Variants in ZNF541 observed in about 807,000 individuals in gnomAD.
The protein encoded by ZNF541 is zinc finger protein 541.
A neutral mutation model predicts 123.5 loss-of-function variants in ZNF541; 23 were observed. That is an observed-to-expected ratio of 0.19 (90% CI 0.13 to 0.26). The LOEUF (loss-of-function observed/expected upper bound fraction) is 0.26, where lower values mean the gene tolerates loss of function less well. Ranked by LOEUF, ZNF541 falls within the 10% of genes least tolerant of loss-of-function variation. The probability of loss-of-function intolerance (pLI) is 1.00; values close to 1 mark genes in which losing one functional copy is unlikely to be tolerated. For synonymous variants in ZNF541, 751 were observed against 754.5 expected, an observed-to-expected ratio of 1.00 and a Z score of 0.08; for missense variants, 1,612 against 1,789.9, an observed-to-expected ratio of 0.90 and a Z score of 1.79.
chr19:47,562,319 G>A (rs147332689), intron 2 of ZNF541, among the ~76,000 whole-genome samples: 63 of 152,040 alleles, frequency 4.1e-4, no homozygotes, highest in African/African-American at 1.4e-3. Flanking sequence ...CCGGGAGGGC[G>A]GATCACTTGA....
Position 47,544,357 on chromosome 19 carries a change from C to T in ZNF541, c.2172G>A (p.Ala724=), listed in dbSNP as rs372271348. The change falls in exon 5 of 17, where the codon GCG becomes GCA. Residue 724 remains alanine (A), a synonymous_variant. Coordinates refer to ENST00000391901, the MANE Select transcript of ZNF541 (RefSeq NM_001277075.3). The stretch of plus-strand genomic sequence containing the variant: ...TTTCACCTTTTGTGATCCTTGAAGC[C>T]GCGCCATTCTCGGCTGGGGCCTGCT... ...PGKQAPAENG[A]ASRITKGEKG... The T allele has an allele frequency of 5.2e-5, 80 of 1,551,526 alleles. No individual in the cohort carries two copies. Among genetic ancestry groups the T allele is most frequent in the African/African-American group, 6.8e-5 (5 of 73,060 alleles).
chr19:47,528,966 T>G lies in ZNF541; in HGVS notation c.3554A>C (p.Tyr1185Ser), dbSNP rs1969436993. Residue 1185 changes from tyrosine to serine, a missense_variant, in exon 14 of 17, where the codon TAC (tyrosine) becomes TCC (serine). By Grantham distance (144) the Tyr-to-Ser change is moderately radical. Coordinates refer to ENST00000391901, the MANE Select transcript of ZNF541 (RefSeq NM_001277075.3). ...KAFYAHKKDFYLIHKMIQTKT... is the reference protein window; with the variant it reads ...KAFYAHKKDFSLIHKMIQTKT... Reference sequence around the variant, plus strand: ...TCACTTTACCATCTTGTGTATCAAGTAGAAGTCCTTCTTGTGGGCATAGAA... The same window carrying G: ...TCACTTTACCATCTTGTGTATCAAGGAGAAGTCCTTCTTGTGGGCATAGAA... 6.4e-7 allele frequency: 1 copy of G among 1,551,342 alleles called. No homozygotes were observed. The highest frequency in any genetic ancestry group is 1.2e-5 in the South Asian group (1 of 84,058).
chr19:47,520,816 C>A lies in ZNF541; in HGVS notation c.*408G>T, dbSNP rs539800944. On this transcript the variant is annotated 3_prime_UTR_variant, in exon 17 of 17. Coordinates refer to ENST00000391901, the MANE Select transcript of ZNF541 (RefSeq NM_001277075.3). ...GTCCCCGCCCCAGGGAGGGGCCCAG[C>A]GTGTTGGAGATCTCAAGGTTTTTTC... 2.1e-4 allele frequency: 36 copies of A among 171,504 alleles called. No homozygotes were observed. Among genetic ancestry groups the A allele is most frequent in the Non-Finnish European group, 3.7e-4 (30 of 80,162 alleles). The allele number at this position is 171,504 out of a possible 1,614,324, so 10.6% of individuals were successfully genotyped here.
At chr19:47,564,065 T>A (rs2123384744) in intron 2 of ZNF541, among the ~76,000 whole-genome samples, 1 of 152,232 alleles carries the variant, frequency 6.6e-6, no homozygotes, top group East Asian at 1.9e-4. Context: ...AACAGCCAGA[T>A]CTTAAACCCA....
intron 9 of ZNF541, among the ~76,000 whole-genome samples, chr19:47,537,599 T>C (rs998061244): frequency 5.9e-5 from 8 of 136,478 alleles, no homozygotes; most frequent in African/African-American, 2.2e-4. Context: ...TGACACAGAC[T>C]GGACAGGGTG....
chr19:47,540,441 A>AAT, intron 6 of ZNF541, 106 bp from the exon 7 acceptor site: 1 of 1,178,362 alleles, frequency 8.5e-7, no homozygotes, highest in Non-Finnish European at 1.1e-6. Flanking sequence ...CAATCCACTG[A>AAT]CTTTTTTTTT....
intron 2 of ZNF541, among the ~76,000 whole-genome samples, chr19:47,571,041 T>A (rs1278599664): frequency 1.3e-5 from 2 of 151,650 alleles, no homozygotes; most frequent in Admixed American, 1.3e-4. Context: ...CAGACACGCA[T>A]CTAAAAGAAA....
chr19:47,545,511 G>C lies in ZNF541; in HGVS notation c.1018C>G (p.Leu340Val). Residue 340 changes from leucine (L) to valine (V), a missense_variant, in exon 5 of 17, where the codon CTC becomes GTC. This residue lies in a region of ZNF541 where 1,080 missense variants were observed against 1,013.8 expected (regional missense o/e 1.07). Coordinates refer to ENST00000391901, the MANE Select transcript of ZNF541 (RefSeq NM_001277075.3). The surrounding 1 kb of genome is among the most constrained non-coding windows in gnomAD (Gnocchi z 7.5). The stretch of plus-strand genomic sequence containing the variant: ...TCAGTGGCCGGCTCTTTCTGTGGGA[G>C]GCAAGGCTCCTCGGGAAGCTCGGTG... ...LDTELPEEPC[L>V]PQKEPATDVF... 6.6e-7 allele frequency: 1 copy of C among 1,507,126 alleles called. No homozygotes were observed. Among genetic ancestry groups the C allele is most frequent in the Non-Finnish European group, 8.9e-7 (1 of 1,123,936 alleles). 93.4% of individuals were successfully genotyped at this position (1,507,126 alleles called of 1,614,324 possible).
At chr19:47,522,491 C>A (rs1033765088) in intron 14 of ZNF541, among the ~76,000 whole-genome samples, 2 of 152,156 alleles carry the variant, frequency 1.3e-5, no homozygotes, top group African/African-American at 4.8e-5. Flanking sequence ...CTAAAAATAA[C>A]TTCTGTTAAA....
At chr19:47,552,191 C>T (rs1238256997) in intron 3 of ZNF541, among the ~76,000 whole-genome samples, 1 of 152,110 alleles carries the variant, frequency 6.6e-6, no homozygotes, top group Non-Finnish European at 1.5e-5. Context: ...AATAATTTAT[C>T]AGGGATACTA....
intron 2 of ZNF541, among the ~76,000 whole-genome samples, chr19:47,564,528 G>T (rs1368558736): frequency 6.6e-6 from 1 of 152,168 alleles, no homozygotes; most frequent in Non-Finnish European, 1.5e-5. Context: ...CTCTTTCCAA[G>T]AATTTTATCA....
intron 14 of ZNF541, 74 bp downstream of exon 14, chr19:47,528,876 G>A (rs1683647931): frequency 2.6e-5 from 34 of 1,299,434 alleles, no homozygotes; most frequent in Admixed American, 6.2e-5. Context: ...TCCGACCCCC[G>A]ACCAGCCCTG....
Position 47,532,406 on chromosome 19 carries a change from C to T in ZNF541, c.3159-136G>A, listed in dbSNP as rs1225951272. On this transcript the variant is annotated intron_variant, in intron 10 of 16. Coordinates refer to ENST00000391901, the MANE Select transcript of ZNF541 (RefSeq NM_001277075.3). ...AAACCCTCTGCTGTCTCAGGTGCAT[C>T]AGGTACGTGCTGTTCCCGACAGATG... is the stretch of plus-strand genomic sequence containing the variant. 4 of 956,636 alleles carry T rather than the reference C, an allele frequency of 4.2e-6. No homozygotes were observed. In the African/African-American group the frequency reaches 6.6e-5, roughly 16 times the overall value. The allele number at this position is 956,636 out of a possible 1,614,324, so 59.3% of individuals were successfully genotyped here. A position where few individuals can be genotyped will look rare whatever the true frequency, so the allele number is the denominator to read the frequency against.
chr19:47,545,663 G>A lies in ZNF541; in HGVS notation c.866C>T (p.Ser289Phe). The A allele has an allele frequency of 1.3e-6, 2 of 1,549,588 alleles. No homozygotes were observed. The highest frequency in any genetic ancestry group is 1.7e-6 in the Non-Finnish European group (2 of 1,146,808). ...AGCCCCCGCCGGGGCTGGGCCAGGA[G>A]AAGGGGTCTTCTGGTGGACGATGCT... ...VSSIVHQKTP[S>F]PGPAPAGASD... Residue 289 changes from serine (S) to phenylalanine (F), a missense_variant, in exon 5 of 17, where the codon TCT (serine) becomes TTT (phenylalanine). Ser to Phe is a radical substitution (Grantham distance 155, BLOSUM62 -2). This residue lies in a region of ZNF541 where 1,080 missense variants were observed against 1,013.8 expected (regional missense o/e 1.07). Transcript: ENST00000391901. This position sits in a 1 kb window ranked among gnomAD's most constrained non-coding sequence, Gnocchi z 7.5.
At chr19:47,529,698 G>A (rs772488297) in intron 12 of ZNF541, 46 bp from the exon 13 acceptor site, 13 of 1,507,760 alleles carry the variant, frequency 8.6e-6, no homozygotes, top group Non-Finnish European at 1.2e-5. Flanking sequence ...GGTGGGGGAA[G>A]AGGACCACAG....
Position 47,545,459 on chromosome 19 carries a change from G to A in ZNF541, c.1070C>T (p.Ala357Val). 1 of 1,477,012 alleles carries A rather than the reference G, an allele frequency of 6.8e-7. No individual in the cohort carries two copies. The highest frequency in any genetic ancestry group is 9.0e-7 in the Non-Finnish European group (1 of 1,111,670). The allele number at this position is 1,477,012 out of a possible 1,614,324, so 91.5% of individuals were successfully genotyped here. ...CGGGTCGGGGGCGCCGTTCTCGGCG[G>A]CCCTGGAATTAGGGGCTGTGAACAC... ...TDVFTAPNSR[A>V]AENGAPDPPE... The change falls in exon 5 of 17, where the codon GCC (alanine) becomes GTC (valine). Residue 357 changes from alanine (A) to valine (V), a missense_variant. By Grantham distance (64) the Ala-to-Val change is moderately conservative. This residue lies in a region of ZNF541 where 1,080 missense variants were observed against 1,013.8 expected (regional missense o/e 1.07). Coordinates refer to ENST00000391901, the MANE Select transcript of ZNF541 (RefSeq NM_001277075.3). This position sits in a 1 kb window ranked among gnomAD's most constrained non-coding sequence, Gnocchi z 7.5.
At chr19:47,562,732 G>A (rs1358653061) in intron 2 of ZNF541, among the ~76,000 whole-genome samples, 3 of 152,164 alleles carry the variant, frequency 2.0e-5, no homozygotes, top group African/African-American at 7.2e-5. Context: ...CAGATGACCT[G>A]TGGCCTTCTG....
At chr19:47,550,184 G>A (rs935450554) in intron 3 of ZNF541, among the ~76,000 whole-genome samples, 3 of 151,876 alleles carry the variant, frequency 2.0e-5, no homozygotes, top group Admixed American at 6.6e-5. Flanking sequence ...CCCAGGAGGC[G>A]GAAGCTGCAG....
intron 14 of ZNF541, among the ~76,000 whole-genome samples, chr19:47,523,308 G>A (rs960601289): frequency 2.1e-5 from 3 of 142,304 alleles, no homozygotes; most frequent in African/African-American, 5.5e-5. Flanking sequence ...CATTACAGGC[G>A]TGAGCCACCG....
Sources: allele counts gnomAD v4.1 joint callset (sites outside exome capture counted in the v4.1 genomes callset), GRCh38; gene constraint gnomAD v4.1.1; regional missense constraint gnomAD v4.1.1; non-coding constraint Gnocchi (gnomAD v3.1); transcripts MANE v1.5; gene names NCBI Gene and HGNC (gene_info 2026-07-23, HGNC 2026-07-21).